The following GLI3 variants were observed in gnomAD, a reference collection of about 807,000 sequenced individuals.
GLI3 encodes GLI family zinc finger 3, also known as transcription activator GLI3.
In GLI3, 20 loss-of-function variants were observed where a neutral mutation model predicts 100.8. The observed-to-expected ratio is 0.20, with a 90% CI of 0.14 to 0.29. The LOEUF is 0.29. Ranked by LOEUF, GLI3 falls within the 10% of genes least tolerant of loss-of-function variation. The probability of loss-of-function intolerance (pLI) is 1.00; values close to 1 mark genes in which losing one functional copy is unlikely to be tolerated. For synonymous variants in GLI3, 938 were observed against 860.5 expected, an observed-to-expected ratio of 1.09 and a Z score of -1.58; for missense variants, 2,040 against 2,128.5, an observed-to-expected ratio of 0.96 and a Z score of 0.82.
At chr7:42,074,603 T>C (rs964854923) in intron 4 of GLI3, among the ~76,000 whole-genome samples, 1 of 152,040 alleles carries the variant, frequency 6.6e-6, no homozygotes, top group Non-Finnish European at 1.5e-5. Context: ...GCAGACAGAA[T>C]GTCAGTCACA....
In GLI3 at chr7:41,965,452, G is replaced by T. The variant is rs374797309; in HGVS notation, c.3621C>A (p.Ser1207Arg). ...MVVHPQNPLR[S>R]GPAGGYQTLG... ...GGGTCTGATAGCCCCCAGCAGGCCC[G>T]CTCCTCAAGGGGTTCTGCGGGTGGA... is the stretch of plus-strand genomic sequence containing the variant. The change falls in exon 15 of 15, where the codon AGC becomes AGA. Residue 1207 changes from serine to arginine, a missense_variant. Physicochemically the swap from Ser to Arg is moderately radical, Grantham distance 110 (BLOSUM62 -1). Transcript: ENST00000395925. 227 of 1,607,876 alleles carry T rather than the reference G, an allele frequency of 1.4e-4. No homozygotes were observed. The highest frequency in any genetic ancestry group is 1.9e-4 in the Non-Finnish European group (221 of 1,177,058).
intron 2 of GLI3, among the ~76,000 whole-genome samples, chr7:42,181,677 C>A (rs992581888): frequency 2.0e-5 from 3 of 152,128 alleles, no homozygotes; most frequent in Non-Finnish European, 4.4e-5. Flanking sequence ...TTTAGTATAA[C>A]TCTATAAATA....
chr7:42,156,379 G>A, intron 2 of GLI3, among the ~76,000 whole-genome samples: 1 of 152,104 alleles, frequency 6.6e-6, no homozygotes, highest in African/African-American at 2.4e-5. Context: ...ATTCCCTGGA[G>A]GGTCAAAAAT....
At chr7:42,060,590 C>T (rs1451355833) in intron 4 of GLI3, among the ~76,000 whole-genome samples, 1 of 152,156 alleles carries the variant, frequency 6.6e-6, no homozygotes, top group Non-Finnish European at 1.5e-5. Flanking sequence ...ACTTTCCTCT[C>T]TATTTTCCAT....
chr7:42,217,508 G>A (rs577029583), intron 2 of GLI3, among the ~76,000 whole-genome samples: 26 of 152,292 alleles, frequency 1.7e-4, no homozygotes, highest in Non-Finnish European at 2.2e-4. Flanking sequence ...AAAGAATCAA[G>A]AAAAAGGATG....
In GLI3 at chr7:42,223,164, G is replaced by T. The variant is rs180932351; in HGVS notation, c.90C>A (p.Ser30Arg). ...TGGTGCTGGAGGCAACGGCTTTCTC[G>T]CTCACATCTGTTCGAGTGGAGCACT... is the stretch of plus-strand genomic sequence containing the variant. Reference protein sequence around the residue: ...IVKCSTRTDVSEKAVASSTTS... With the variant: ...IVKCSTRTDVREKAVASSTTS... The change falls in exon 2 of 15, where the codon AGC becomes AGA. Residue 30 changes from serine (S) to arginine (R), a missense_variant. By Grantham distance (110) the Ser-to-Arg change is moderately radical. Around this residue, in one of 5 missense-constraint regions of GLI3, gnomAD observed 603 missense variants for 690.9 expected, o/e 0.87. Transcript: ENST00000395925. The T allele has an allele frequency of 2.5e-6, 4 of 1,613,800 alleles. No individual in the cohort carries two copies.
At chr7:42,079,011 C>G (rs1025898614) in intron 3 of GLI3, among the ~76,000 whole-genome samples, 5 of 152,114 alleles carry the variant, frequency 3.3e-5, no homozygotes, top group Admixed American at 6.5e-5. Flanking sequence ...TTACAGGCGT[C>G]AGCCACCGCG....
chr7:41,982,193 G>A (rs1428062105), intron 10 of GLI3, among the ~76,000 whole-genome samples: 4 of 152,140 alleles, frequency 2.6e-5, no homozygotes, highest in Admixed American at 2.6e-4. Context: ...CTACACCTAG[G>A]AGGCTGGGGA....
At chr7:42,078,313 T>C (rs764308162) in intron 3 of GLI3, among the ~76,000 whole-genome samples, 3 of 152,226 alleles carry the variant, frequency 2.0e-5, no homozygotes, top group Non-Finnish European at 4.4e-5. Flanking sequence ...ACAACAAACA[T>C]GTTTTTAAAG....
At chr7:42,197,489 G>A (rs543918064) in intron 2 of GLI3, among the ~76,000 whole-genome samples, 6 of 152,318 alleles carry the variant, frequency 3.9e-5, no homozygotes, top group African/African-American at 1.4e-4. Context: ...TGCTCTTAGA[G>A]AGCAGGGGGA....
intron 10 of GLI3, among the ~76,000 whole-genome samples, 154 bp from the exon 11 acceptor site, chr7:41,978,902 G>A (rs1787580923): frequency 1.3e-5 from 2 of 152,202 alleles, no homozygotes; most frequent in African/African-American, 2.4e-5. Flanking sequence ...ATTCCAGTTA[G>A]TACACTTCTC....
intron 10 of GLI3, among the ~76,000 whole-genome samples, chr7:41,993,984 T>C (rs1003116384): frequency 6.6e-6 from 1 of 152,180 alleles, no homozygotes; most frequent in African/African-American, 2.4e-5. Context: ...TTGTTATAAA[T>C]GAAAAGAATT....
At chr7:42,099,020 C>T (rs968259827) in intron 3 of GLI3, among the ~76,000 whole-genome samples, 4 of 152,088 alleles carry the variant, frequency 2.6e-5, no homozygotes, top group African/African-American at 9.7e-5. Context: ...CTGAGAGTGG[C>T]TCTATCCCCT....
intron 2 of GLI3, among the ~76,000 whole-genome samples, chr7:42,212,063 G>A (rs372325420): frequency 5.9e-5 from 9 of 152,296 alleles, no homozygotes; most frequent in Middle Eastern, 3.4e-3. Flanking sequence ...GGTTACAGTC[G>A]TGAGCAGTTC....
chr7:42,223,363 C>T lies in GLI3; in HGVS notation c.-42-68G>A, dbSNP rs1298527215. ...AAAAAAAAAAAAACTTTCAAAAGTCCACTTCACCTGTCATCTGAGAAAAGC... is the reference window on the plus strand; with the variant it reads ...AAAAAAAAAAAAACTTTCAAAAGTCTACTTCACCTGTCATCTGAGAAAAGC... On this transcript the variant is annotated intron_variant, in intron 1 of 14. Transcript: ENST00000395925. The T allele has an allele frequency of 4.5e-6, 4 of 882,836 alleles. No individual in the cohort carries two copies. The Admixed American group carries it at 8.6e-5, about 19-fold the overall frequency. 54.7% of individuals were successfully genotyped at this position (882,836 alleles called of 1,614,324 possible). A position where few individuals can be genotyped will look rare whatever the true frequency, so the allele number is the denominator to read the frequency against.
chr7:41,966,191 C>A lies in GLI3; in HGVS notation c.2882G>T (p.Gly961Val), dbSNP rs1163025235. 6.2e-7 allele frequency: 1 copy of A among 1,605,064 alleles called. No homozygotes were observed. Among genetic ancestry groups the A allele is most frequent in the African/African-American group, 1.3e-5 (1 of 74,950 alleles). The change falls in exon 15 of 15, where the codon GGG (glycine) becomes GTG (valine). Residue 961 changes from glycine (G) to valine (V), a missense_variant. Transcript: ENST00000395925. The surrounding 1 kb of genome is among the most constrained non-coding windows in gnomAD (Gnocchi z 5.8). ...MSLKTRLALL[G>V]DALEPGVALP... Reference sequence around the variant, plus strand: ...GGCCACGCCAGGCTCGAGGGCATCCCCGAGCAGCGCCAGGCGCGTCTTCAG... The same window carrying A: ...GGCCACGCCAGGCTCGAGGGCATCCACGAGCAGCGCCAGGCGCGTCTTCAG...
chr7:42,218,593 A>G (rs1173303663), intron 2 of GLI3, among the ~76,000 whole-genome samples: 2 of 152,078 alleles, frequency 1.3e-5, no homozygotes, highest in South Asian at 4.1e-4. Context: ...TTTGCAGACC[A>G]TAACACTTTC....
At chr7:42,120,361 G>A (rs1026252511) in intron 3 of GLI3, among the ~76,000 whole-genome samples, 1 of 152,116 alleles carries the variant, frequency 6.6e-6, no homozygotes. Flanking sequence ...TCTCTAATAC[G>A]TTTCTGAATT....
chr7:42,121,277 C>T (rs1476223408), intron 3 of GLI3, among the ~76,000 whole-genome samples: 1 of 152,116 alleles, frequency 6.6e-6, no homozygotes, highest in Non-Finnish European at 1.5e-5. Flanking sequence ...GGGTCCCAGC[C>T]CAAGAGTTTC....
Sources: gnomAD v4.1 joint callset for allele counts (sites outside exome capture counted in the v4.1 genomes callset) on GRCh38, gnomAD v4.1.1 for gene constraint, gnomAD v4.1.1 regional missense constraint, Gnocchi (gnomAD v3.1) non-coding constraint, MANE v1.5 for transcripts, NCBI Gene and HGNC (gene_info 2026-07-23, HGNC 2026-07-21) for gene names.